The following FRAS1 variants were observed in gnomAD, a reference collection of about 807,000 sequenced individuals.
The protein encoded by FRAS1 is extracellular matrix organizing protein FRAS1.
In FRAS1, 290 loss-of-function variants were observed where a neutral mutation model predicts 435.2. That is an observed-to-expected ratio of 0.67 (90% CI 0.61 to 0.73). The LOEUF (loss-of-function observed/expected upper bound fraction) is 0.73. Ranked by LOEUF, FRAS1 falls within the 30% of genes least tolerant of loss-of-function variation. The probability of loss-of-function intolerance (pLI) is 0.00; values close to 1 mark genes in which losing one functional copy is unlikely to be tolerated. For synonymous variants in FRAS1, 1,800 were observed against 1,851.0 expected (o/e 0.97, Z 0.71); for missense variants, 4,860 against 5,001.5 (o/e 0.97, Z 0.85).
intron 47 of FRAS1, among the ~76,000 whole-genome samples, chr4:78,459,359 T>C (rs1157909010): frequency 1.3e-5 from 2 of 152,246 alleles, no homozygotes; most frequent in Admixed American, 6.5e-5. Context: ...CATGTGCACA[T>C]GTGTTTCAGT....
intron 2 of FRAS1, among the ~76,000 whole-genome samples, chr4:78,212,238 G>T (rs1723544537): frequency 6.6e-6 from 1 of 152,100 alleles, no homozygotes; most frequent in Admixed American, 6.5e-5. Context: ...TGTCCTTCAA[G>T]TCTCATCTAA....
At chr4:78,212,171 T>C (rs1007780247) in intron 2 of FRAS1, among the ~76,000 whole-genome samples, 1 of 152,224 alleles carries the variant, frequency 6.6e-6, no homozygotes, top group Non-Finnish European at 1.5e-5. Flanking sequence ...ACTGGCTAAG[T>C]AATACTTATA....
At chr4:78,514,632 C>G (rs1305544784) in intron 65 of FRAS1, among the ~76,000 whole-genome samples, 1 of 152,158 alleles carries the variant, frequency 6.6e-6, no homozygotes, top group African/African-American at 2.4e-5. Flanking sequence ...TGCACCTGTT[C>G]CTGCTTAAAA....
At chr4:78,194,588 T>C (rs11733653) in intron 2 of FRAS1, among the ~76,000 whole-genome samples, 44,842 of 152,180 alleles carry the variant, frequency 0.29, 7,268 homozygotes, top group South Asian at 0.53. Context: ...TGTGCATTCA[T>C]CACGTATTTC....
At chr4:78,298,161 T>C (rs1267062295) in intron 14 of FRAS1, among the ~76,000 whole-genome samples, 1 of 148,576 alleles carries the variant, frequency 6.7e-6, no homozygotes, top group Non-Finnish European at 1.5e-5. Context: ...CATATATATA[T>C]ACCTTATATA....
chr4:78,103,262 C>T (rs9994298), intron 2 of FRAS1, among the ~76,000 whole-genome samples: 33,051 of 152,192 alleles, frequency 0.22, 3,954 homozygotes, highest in Admixed American at 0.29. Flanking sequence ...TTAAGTAAAG[C>T]GTTTGACCTT....
intron 9 of FRAS1, among the ~76,000 whole-genome samples, chr4:78,272,161 TG>T (rs1161001241): frequency 6.6e-6 from 1 of 151,618 alleles, no homozygotes; most frequent in Non-Finnish European, 1.5e-5. Flanking sequence ...TTGATGGGGT[TG>T]TTTTTTTCTT....
intron 10 of FRAS1, among the ~76,000 whole-genome samples, chr4:78,279,320 CCA>C (rs1448970406): frequency 3.3e-5 from 5 of 152,204 alleles, no homozygotes; most frequent in Non-Finnish European, 7.3e-5. Context: ...AGCCTGGAGG[CCA>C]CAGTCTTTTA....
chr4:78,240,226 T>C (rs531575639), intron 3 of FRAS1, among the ~76,000 whole-genome samples: 3 of 152,078 alleles, frequency 2.0e-5, no homozygotes, highest in Non-Finnish European at 2.9e-5. Context: ...GTCTGGCTTT[T>C]TTAGAAAAAA....
At chr4:78,184,096 T>G (rs1722171966) in intron 2 of FRAS1, among the ~76,000 whole-genome samples, 1 of 152,174 alleles carries the variant, frequency 6.6e-6, no homozygotes, top group African/African-American at 2.4e-5. Context: ...CACTAGAGTT[T>G]GAGAAACACT....
chr4:78,507,829 G>A (rs185095807), intron 62 of FRAS1, among the ~76,000 whole-genome samples: 4 of 152,230 alleles, frequency 2.6e-5, no homozygotes, highest in Non-Finnish European at 4.4e-5. Flanking sequence ...TATCTAGTGG[G>A]TAAAAGCCAG....
Position 78,542,405 on chromosome 4 carries a change from T to C in FRAS1, c.*1281T>C, listed in dbSNP as rs1167460590. ...CTTTTGTTTCTCTTCTGTTTCTGCC[T>C]TATTGGCGGAAACATAAGCGTGCAT... On this transcript the variant is annotated 3_prime_UTR_variant, in exon 74 of 74. Coordinates refer to ENST00000512123, the MANE Select transcript of FRAS1 (RefSeq NM_025074.7). The C allele has an allele frequency of 2.0e-5, 3 of 152,502 alleles. No homozygotes were observed. Among genetic ancestry groups the C allele is most frequent in the African/African-American group, 7.2e-5 (3 of 41,450 alleles). 9.4% of individuals were successfully genotyped at this position (152,502 alleles called of 1,614,324 possible). A position where few individuals can be genotyped will look rare whatever the true frequency, so the allele number is the denominator to read the frequency against.
At chr4:78,123,717 G>C (rs973367843) in intron 2 of FRAS1, among the ~76,000 whole-genome samples, 1 of 152,068 alleles carries the variant, frequency 6.6e-6, no homozygotes, top group African/African-American at 2.4e-5. Context: ...GGATTCCTAG[G>C]TATTTTATTC....
At chr4:78,477,620 T>C (rs911172581) in intron 54 of FRAS1, among the ~76,000 whole-genome samples, 195 bp from the exon 55 acceptor site, 5 of 152,188 alleles carry the variant, frequency 3.3e-5, no homozygotes, top group African/African-American at 9.7e-5. Context: ...GCAGCCCTCC[T>C]GTACAGGTTA....
rs367598897 is a variant in FRAS1 at position 78,308,140 on chromosome 4, G to A, written c.1609G>A (p.Val537Met). The change falls in exon 15 of 74, where the codon GTG (valine) becomes ATG (methionine). Residue 537 changes from valine (V) to methionine (M), a missense_variant. Physicochemically the swap from Val to Met is conservative, Grantham distance 21 (BLOSUM62 1). Coordinates refer to ENST00000512123, the MANE Select transcript of FRAS1 (RefSeq NM_025074.7). ...CTTGGCCTGCAGAGATCCCCTCCAC[G>A]TGCTGAGAGATGGCGGCTGTGAGAG... ...HCLACRDPLH[V>M]LRDGGCESSC... 1.7e-4 allele frequency: 272 copies of A among 1,613,928 alleles called. 4 individuals carry two copies. The highest frequency in any genetic ancestry group is 9.9e-4 in the Middle Eastern group (6 of 6,060).
At chr4:78,510,608 C>A (rs1286281492) in intron 63 of FRAS1, among the ~76,000 whole-genome samples, 1 of 152,222 alleles carries the variant, frequency 6.6e-6, no homozygotes, top group East Asian at 1.9e-4. Context: ...TAAATGCACA[C>A]ATAACCTAAA....
chr4:78,431,683 T>C (rs1734227876), intron 37 of FRAS1, among the ~76,000 whole-genome samples: 1 of 152,144 alleles, frequency 6.6e-6, no homozygotes, highest in South Asian at 2.1e-4. Context: ...CATGACAAGT[T>C]TGAGAAGCTT....
chr4:78,304,058 A>G (rs1023805882), intron 14 of FRAS1, among the ~76,000 whole-genome samples: 2 of 151,516 alleles, frequency 1.3e-5, no homozygotes, highest in African/African-American at 4.9e-5. Context: ...GAGAGTTTTT[A>G]GCATGAAGTG....
At chr4:78,365,763 A>C (rs891450394) in intron 22 of FRAS1, among the ~76,000 whole-genome samples, 9 of 149,328 alleles carry the variant, frequency 6.0e-5, no homozygotes, top group African/African-American at 9.9e-5. Context: ...AAAAAAAAAA[A>C]CAGCCTGACC....
Sources: gnomAD v4.1 joint callset for allele counts (sites outside exome capture counted in the v4.1 genomes callset) on GRCh38, gnomAD v4.1.1 for gene constraint, MANE v1.5 for transcripts, NCBI Gene and HGNC (gene_info 2026-07-23, HGNC 2026-07-21) for gene names.